The following CHUK variants were observed in gnomAD, a reference collection of about 807,000 sequenced individuals.
CHUK encodes the protein component of inhibitor of nuclear factor kappa B kinase complex.
A neutral mutation model predicts 104.8 loss-of-function variants in CHUK; 35 were observed. The observed-to-expected ratio is 0.33, with a 90% CI of 0.26 to 0.44. The LOEUF (loss-of-function observed/expected upper bound fraction) is 0.44. CHUK is among the 20% of genes least tolerant of loss of function. The pLI, the probability that CHUK is intolerant of heterozygous loss-of-function variation, is 1.00. For missense variants in CHUK, 663 were observed against 902.7 expected, an observed-to-expected ratio of 0.73 and a Z score of 3.40; for synonymous variants, 276 against 291.9, an observed-to-expected ratio of 0.95 and a Z score of 0.56.
At position 100,204,669 on chromosome 10, in the gene CHUK, C is replaced by T. The variant is rs749070652; in HGVS notation, c.1356-12G>A. 1 of 1,578,410 alleles carries T rather than the reference C, an allele frequency of 6.3e-7. No individual in the cohort carries two copies. The highest frequency in any genetic ancestry group is 1.4e-5 in the African/African-American group (1 of 73,304). ...TAAGAAGACTTAACCTAAACCACAG[C>T]AAGAAAAAAAAGAAAAAGAAAAAAG... is the stretch of plus-strand genomic sequence containing the variant. On this transcript the variant is annotated splice_polypyrimidine_tract_variant and intron_variant, in intron 12 of 20. Coordinates refer to ENST00000370397, the MANE Select transcript of CHUK (RefSeq NM_001278.5).
rs1845918946 is a variant in CHUK, at chr10:100,218,750, A to G, written c.765T>C (p.Ser255=). The G allele has an allele frequency of 6.2e-7, 1 of 1,613,406 alleles. No individual in the cohort carries two copies. The highest frequency in any genetic ancestry group is 1.3e-5 in the African/African-American group (1 of 74,922). Residue 255 remains serine, a synonymous_variant, in exon 8 of 21, where the codon AGT becomes AGC. Transcript: ENST00000370397. ...CEEMSGEVRF[S]SHLPQPNSLC... ...GGCTATTTGGTTGAGGTAAATGGCT[A>G]CTAAACCGAACTTCTCCTGACATCT...
intron 11 of CHUK, among the ~76,000 whole-genome samples, chr10:100,205,996 C>G (rs1399647527): frequency 2.0e-5 from 3 of 152,132 alleles, no homozygotes; most frequent in African/African-American, 7.2e-5. Context: ...AAATACTTGA[C>G]TAGTATTCCT....
At chr10:100,206,021 G>A (rs150797001) in intron 11 of CHUK, among the ~76,000 whole-genome samples, 45 of 152,150 alleles carry the variant, frequency 3.0e-4, no homozygotes, top group African/African-American at 1.1e-3. Context: ...TCATTGTCAA[G>A]GTCATCAAAA....
intron 5 of CHUK, 22 bp from the exon 6 acceptor site, chr10:100,219,381 T>G: frequency 8.0e-7 from 1 of 1,246,134 alleles, no homozygotes; most frequent in South Asian, 1.2e-5. Flanking sequence ...TAAGACAGAT[T>G]AAGTATTAAA....
chr10:100,227,576 C>A (rs1359225485), intron 1 of CHUK, among the ~76,000 whole-genome samples: 1 of 151,426 alleles, frequency 6.6e-6, no homozygotes, highest in Admixed American at 6.6e-5. Context: ...TGTTATGTTC[C>A]CTCTGATGGT....
chr10:100,192,513 A>G, intron 19 of CHUK: 1 of 671,756 alleles, frequency 1.5e-6, no homozygotes, highest in Non-Finnish European at 1.8e-6. Context: ...AGTAGAGTAC[A>G]GAATGTGCAA....
chr10:100,200,885 G>A, intron 14 of CHUK, 105 bp from the exon 15 acceptor site: 1 of 727,806 alleles, frequency 1.4e-6, no homozygotes, highest in Admixed American at 1.9e-5. Context: ...CTTCATTAGA[G>A]AACTAAATAA....
chr10:100,206,401 A>T (rs139920714), intron 11 of CHUK, among the ~76,000 whole-genome samples: 1 of 152,010 alleles, frequency 6.6e-6, no homozygotes, highest in African/African-American at 2.4e-5. Flanking sequence ...GAAAAACTAC[A>T]TGCGTGAGTG....
At chr10:100,187,550 G>A (rs540782816), downstream of CHUK, 10 of 152,278 alleles carry the variant, frequency 6.6e-5, no homozygotes, top group East Asian at 3.9e-4. Context: ...ATTCTCTGAA[G>A]TTTTTCATAA....
intron 9 of CHUK, 52 bp from the exon 10 acceptor site, chr10:100,209,841 G>T (rs1390166793): frequency 1.2e-6 from 1 of 823,132 alleles, no homozygotes; most frequent in South Asian, 1.5e-5. Flanking sequence ...TTACATAAAA[G>T]ATTCGCTGCC....
At position 100,218,840 on chromosome 10, in the gene CHUK, G is replaced by T. The variant is rs1267895498; in HGVS notation, c.690-15C>A. On this transcript the variant is annotated splice_polypyrimidine_tract_variant and intron_variant, in intron 7 of 20. Transcript: ENST00000370397. Reference sequence around the variant, plus strand: ...TCTTCTCATGCCTATAAAATCAAAAGCTACCTCAGTTGACAAAGTGATTCT... The same window carrying T: ...TCTTCTCATGCCTATAAAATCAAAATCTACCTCAGTTGACAAAGTGATTCT... The T allele has an allele frequency of 3.1e-6, 5 of 1,590,650 alleles. No individual in the cohort carries two copies. Among genetic ancestry groups the T allele is most frequent in the Non-Finnish European group, 4.3e-6 (5 of 1,159,160 alleles).
At chr10:100,188,297 A>G (rs1178345064), downstream of CHUK, 2 of 152,632 alleles carry the variant, frequency 1.3e-5, no homozygotes, top group East Asian at 3.8e-4. Context: ...TGGAACCTTC[A>G]TATTTTCCTA....
At chr10:100,193,195 A>C in intron 19 of CHUK, 103 bp downstream of exon 19, 1 of 1,293,842 alleles carries the variant, frequency 7.7e-7, no homozygotes, top group East Asian at 2.3e-5. Context: ...GTCAGGACTC[A>C]ACCCTGGTCT....
Position 100,220,677 on chromosome 10 carries a change from CTAAA to C in CHUK, c.386-5_386-2del, listed in dbSNP as rs1415649989. On this transcript the variant is annotated splice_acceptor_variant and splice_polypyrimidine_tract_variant and intron_variant, in intron 4 of 20. Coordinates refer to ENST00000370397, the MANE Select transcript of CHUK (RefSeq NM_001278.5). LOFTEE classifies it high-confidence loss of function. Reference sequence around the variant, plus strand: ...TCATGCAAATATCGAATCCCAGACCCTAAATAAAGTTTAAAATATACTTTAAAGT... The same window carrying C: ...TCATGCAAATATCGAATCCCAGACCCTAAAGTTTAAAATATACTTTAAAGT... The C allele has an allele frequency of 1.0e-4, 164 of 1,590,858 alleles. No individual in the cohort carries two copies. The highest frequency in any genetic ancestry group is 1.4e-4 in the Non-Finnish European group (157 of 1,159,320).
chr10:100,193,507 C>A, intron 18 of CHUK, 76 bp from the exon 19 acceptor site: 1 of 1,548,982 alleles, frequency 6.5e-7, no homozygotes, highest in Non-Finnish European at 8.9e-7. Flanking sequence ...TTATCATATT[C>A]CTAAGACTTA....
At chr10:100,224,473 G>C (rs1480541212) in intron 2 of CHUK, among the ~76,000 whole-genome samples, 1 of 152,188 alleles carries the variant, frequency 6.6e-6, no homozygotes, top group Non-Finnish European at 1.5e-5. Context: ...TAGAGACGGA[G>C]TCGCCCAGGC....
intron 9 of CHUK, 97 bp downstream of exon 9, chr10:100,217,898 A>G (rs776932212): frequency 2.5e-6 from 3 of 1,217,208 alleles, no homozygotes; most frequent in Non-Finnish European, 3.6e-6. Flanking sequence ...ATAAATAAGC[A>G]ACAGGAAAAG....
Position 100,219,037 on chromosome 10 carries a change from A to T in CHUK, c.660T>A (p.Pro220=). The T allele has an allele frequency of 6.2e-7, 1 of 1,614,060 alleles. No individual in the cohort carries two copies. Among genetic ancestry groups the T allele is most frequent in the Admixed American group, 1.7e-5 (1 of 60,012 alleles). The change falls in exon 7 of 21, where the codon CCT becomes CCA. Residue 220 remains proline, a synonymous_variant. Transcript: ENST00000370397. ...TAAATGGCTGCAGATGATGCAAAAA[A>T]GGCCTATATCCAGCAATACATTCAA... ...MVFECIAGYR[P]FLHHLQPFTW...
chr10:100,215,763 T>C (rs1845841321), intron 9 of CHUK, among the ~76,000 whole-genome samples: 1 of 152,210 alleles, frequency 6.6e-6, no homozygotes, highest in African/African-American at 2.4e-5. Flanking sequence ...GTACAATATA[T>C]ATAAACATTT....
Sources: gnomAD v4.1 joint callset for allele counts (sites outside exome capture counted in the v4.1 genomes callset) on GRCh38, gnomAD v4.1.1 for gene constraint, MANE v1.5 for transcripts, NCBI Gene and HGNC (gene_info 2026-07-23, HGNC 2026-07-21) for gene names.